The following TULP4 variants were observed in gnomAD, a reference collection of about 807,000 sequenced individuals.
The protein encoded by TULP4 is TUB like protein 4.
In TULP4, 16 loss-of-function variants were observed where a neutral mutation model predicts 129.0. That is an observed-to-expected ratio of 0.12 (90% CI 0.08 to 0.19). TULP4 has a LOEUF of 0.19. Ranked by LOEUF, TULP4 falls within the 10% of genes least tolerant of loss-of-function variation. The pLI is 1.00. For synonymous variants in TULP4, 998 were observed against 854.0 expected, an observed-to-expected ratio of 1.17 and a Z score of -2.94; for missense variants, 1,842 against 2,059.1, an observed-to-expected ratio of 0.89 and a Z score of 2.04.
chr6:158,393,222 A>T (rs1777629159), intron 1 of TULP4, among the ~76,000 whole-genome samples: 1 of 152,200 alleles, frequency 6.6e-6, no homozygotes, highest in Admixed American at 6.5e-5. Context: ...TGGGCTCCCA[A>T]GGCTTTGGGC....
chr6:158,378,908 G>C (rs1045016230), intron 1 of TULP4, among the ~76,000 whole-genome samples: 3 of 152,178 alleles, frequency 2.0e-5, no homozygotes, highest in Non-Finnish European at 4.4e-5. Context: ...GAGAAGTCAG[G>C]GCTCAAGAGA....
chr6:158,388,316 GTTTTTCTTTT>G (rs1777498145), intron 1 of TULP4, among the ~76,000 whole-genome samples: 7 of 92,822 alleles, frequency 7.5e-5, no homozygotes, highest in Non-Finnish European at 1.2e-4. Context: ...TAATCTGCTC[GTTTTTCTTTT>G]TTTTTTTTTT....
intron 1 of TULP4, among the ~76,000 whole-genome samples, chr6:158,301,045 G>A (rs1779122180): frequency 1.3e-5 from 2 of 152,210 alleles, no homozygotes; most frequent in African/African-American, 4.8e-5. Context: ...TAGAAAGGGT[G>A]TCTACGTTGG....
intron 8 of TULP4, among the ~76,000 whole-genome samples, chr6:158,485,162 C>G (rs1167067018): frequency 6.6e-6 from 1 of 152,128 alleles, no homozygotes; most frequent in Non-Finnish European, 1.5e-5. Flanking sequence ...GTAGAACTTG[C>G]AAGTGATTAA....
chr6:158,455,631 G>A (rs1276298472), intron 5 of TULP4, among the ~76,000 whole-genome samples: 1 of 151,920 alleles, frequency 6.6e-6, no homozygotes, highest in East Asian at 2.0e-4. Context: ...CAGCTACTTG[G>A]GAGGCTGAGG....
chr6:158,435,508 C>G (rs1778731001), intron 3 of TULP4, among the ~76,000 whole-genome samples: 1 of 152,166 alleles, frequency 6.6e-6, no homozygotes. Flanking sequence ...TCATCTCCCT[C>G]CCCGGCTCTT....
intron 1 of TULP4, among the ~76,000 whole-genome samples, chr6:158,303,719 T>G (rs992734731): frequency 6.6e-6 from 1 of 152,222 alleles, no homozygotes; most frequent in African/African-American, 2.4e-5. Flanking sequence ...CAATGTGTTG[T>G]GGTGCACACA....
chr6:158,329,462 C>CATTAAAAA (rs1335591019), intron 1 of TULP4, among the ~76,000 whole-genome samples: 1 of 30,912 alleles, frequency 3.2e-5, no homozygotes, highest in African/African-American at 8.6e-5. Context: ...AGAACCTTAA[C>CATTAAAAA]ATTAAAAAAA....
Position 158,313,616 on chromosome 6 carries a change from T to C in TULP4, c.-401T>C, listed in dbSNP as rs1779414628. On this transcript the variant is annotated 5_prime_UTR_variant, in exon 1 of 14. Coordinates refer to ENST00000367097, the MANE Select transcript of TULP4 (RefSeq NM_020245.5). ...GCAACCCTTTGTCTCTGGAATCATA[T>C]TACACTAAACTGGAATCTCAGGCTG... is the stretch of plus-strand genomic sequence containing the variant. 2.4e-6 allele frequency: 1 copy of C among 419,344 alleles called. No individual in the cohort carries two copies. Among genetic ancestry groups the C allele is most frequent in the South Asian group, 9.4e-5 (1 of 10,666 alleles). 26.0% of individuals were successfully genotyped at this position (419,344 alleles called of 1,614,324 possible).
intron 1 of TULP4, among the ~76,000 whole-genome samples, chr6:158,301,652 A>G (rs1045621171): frequency 1.4e-4 from 21 of 152,226 alleles, no homozygotes; most frequent in Admixed American, 8.5e-4. Flanking sequence ...CTAAGTCATT[A>G]TGTTGAACTA....
chr6:158,239,986 C>CA (rs1562490634), intron 1 of TULP4, among the ~76,000 whole-genome samples: 8 of 93,454 alleles, frequency 8.6e-5, no homozygotes, highest in African/African-American at 2.8e-4. Flanking sequence ...GCTGGCTGGG[C>CA]GGGGGGCTGA....
At chr6:158,454,936 T>C (rs1169563994) in intron 5 of TULP4, among the ~76,000 whole-genome samples, 2 of 151,828 alleles carry the variant, frequency 1.3e-5, no homozygotes, top group Non-Finnish European at 2.9e-5. Flanking sequence ...TTTGCAACCA[T>C]ATGTGCAATA....
chr6:158,396,556 T>C (rs970829358), intron 1 of TULP4, among the ~76,000 whole-genome samples: 11 of 152,168 alleles, frequency 7.2e-5, no homozygotes, highest in Non-Finnish European at 1.3e-4. Context: ...TCAGAAAATA[T>C]ACCAAATGGA....
At chr6:158,341,216 A>G (rs957357482) in intron 1 of TULP4, among the ~76,000 whole-genome samples, 27 of 152,064 alleles carry the variant, frequency 1.8e-4, no homozygotes, top group African/African-American at 6.3e-4. Flanking sequence ...GGCTTATTTC[A>G]TTTAACATAA....
intron 3 of TULP4, among the ~76,000 whole-genome samples, chr6:158,435,024 G>T (rs1429931725): frequency 6.6e-6 from 1 of 152,208 alleles, no homozygotes; most frequent in Non-Finnish European, 1.5e-5. Flanking sequence ...AACGGGCTCT[G>T]CCCAGAACTC....
upstream of TULP4, among the ~76,000 whole-genome samples, chr6:158,279,924 T>G (rs542911323): frequency 6.6e-6 from 1 of 152,326 alleles, no homozygotes; most frequent in Admixed American, 6.5e-5. Context: ...AACACAGTTG[T>G]GAAGTGAGGT....
intron 1 of TULP4, among the ~76,000 whole-genome samples, chr6:158,337,742 A>G (rs974145511): frequency 1.9e-4 from 29 of 152,184 alleles, no homozygotes; most frequent in Admixed American, 7.9e-4. Flanking sequence ...CAATACTCCT[A>G]AAGACCAAGA....
intron 6 of TULP4, among the ~76,000 whole-genome samples, chr6:158,475,515 A>G (rs1264248465): frequency 2.6e-5 from 4 of 152,248 alleles, no homozygotes; most frequent in South Asian, 4.1e-4. Context: ...CAAACTTACA[A>G]TTGAGTTTTT....
At chr6:158,337,128 CTTTTTT>C (rs34480077) in intron 1 of TULP4, among the ~76,000 whole-genome samples, 24 of 73,852 alleles carry the variant, frequency 3.2e-4, no homozygotes, top group Admixed American at 1.1e-3. Context: ...CTTTCTTTCT[CTTTTTT>C]TTTTTTTTTT....
Sources: gnomAD v4.1 joint callset for allele counts (sites outside exome capture counted in the v4.1 genomes callset) on GRCh38, gnomAD v4.1.1 for gene constraint, MANE v1.5 for transcripts, NCBI Gene and HGNC (gene_info 2026-07-23, HGNC 2026-07-21) for gene names.